Variants in LIN7A observed in about 807,000 individuals in gnomAD.
LIN7A encodes the protein lin-7 cell polarity scaffold A.
LIN7A carries 25 observed loss-of-function variants against 29.8 expected under a neutral mutation model. That is an observed-to-expected ratio of 0.84 (90% CI 0.61 to 1.17). The LOEUF is 1.17. LIN7A is among the 50% of genes most tolerant of loss of function. The probability of loss-of-function intolerance (pLI) is 0.00; values close to 1 mark genes in which losing one functional copy is unlikely to be tolerated. For missense variants in LIN7A, 239 were observed against 287.0 expected (o/e 0.83, Z 1.21); for synonymous variants, 118 against 107.5 (o/e 1.10, Z -0.60).
intron 2 of LIN7A, among the ~76,000 whole-genome samples, chr12:80,878,022 A>G (rs2120555400): frequency 6.6e-6 from 1 of 152,344 alleles, no homozygotes; most frequent in East Asian, 1.9e-4. Flanking sequence ...CTACTGTGTA[A>G]GTACATGTAA....
At chr12:80,848,409 G>A in intron 2 of LIN7A, 87 bp from the exon 3 acceptor site, 1 of 1,036,360 alleles carries the variant, frequency 9.6e-7, no homozygotes. Context: ...TATTTTCACT[G>A]TAGGAAAAAA....
chr12:80,916,644 C>A (rs1056605131), intron 1 of LIN7A, among the ~76,000 whole-genome samples: 2 of 152,094 alleles, frequency 1.3e-5, no homozygotes, highest in African/African-American at 4.8e-5. Context: ...ATATACTGGG[C>A]CCTCAATAAG....
intron 1 of LIN7A, among the ~76,000 whole-genome samples, chr12:80,895,859 A>G (rs1349423600): frequency 6.6e-6 from 1 of 152,204 alleles, no homozygotes; most frequent in African/African-American, 2.4e-5. Flanking sequence ...AGTAGGAAGA[A>G]GGAAAGGACA....
At chr12:80,876,753 A>G (rs2120543088) in intron 2 of LIN7A, among the ~76,000 whole-genome samples, 1 of 152,350 alleles carries the variant, frequency 6.6e-6, no homozygotes, top group East Asian at 1.9e-4. Context: ...ATATGGATCC[A>G]CAATTATACA....
chr12:80,861,901 A>T (rs1873902296), intron 2 of LIN7A, among the ~76,000 whole-genome samples: 2 of 152,196 alleles, frequency 1.3e-5, no homozygotes, highest in Admixed American at 1.3e-4. Flanking sequence ...CTTGCACCAG[A>T]TTGTATGTAA....
Position 80,889,247 on chromosome 12 carries a change from A to C in LIN7A, c.201+4T>G, listed in dbSNP as rs755203748. 1.3e-6 allele frequency: 2 copies of C among 1,536,768 alleles called. No homozygotes were observed. The highest frequency in any genetic ancestry group is 1.1e-5 in the South Asian group (1 of 89,378). ...ATTTAGTTATTAAAATTTTAGTGCC[A>C]TACCTCTCGAATAGCTGTACAAAAC... On this transcript the variant is annotated splice_donor_region_variant and intron_variant, in intron 2 of 5. Coordinates refer to ENST00000552864, the MANE Select transcript of LIN7A (RefSeq NM_004664.4).
At chr12:80,862,599 A>C (rs2120420212) in intron 2 of LIN7A, among the ~76,000 whole-genome samples, 1 of 152,340 alleles carries the variant, frequency 6.6e-6, no homozygotes, top group African/African-American at 2.4e-5. Flanking sequence ...AACGAAGCTT[A>C]TCTAACACGT....
At chr12:80,866,815 C>A (rs747255335) in intron 2 of LIN7A, among the ~76,000 whole-genome samples, 3 of 152,114 alleles carry the variant, frequency 2.0e-5, no homozygotes. Flanking sequence ...GGTTTTTACA[C>A]CTCTGGAATT....
chr12:80,899,855 G>T (rs543860562), intron 1 of LIN7A, among the ~76,000 whole-genome samples: 4 of 139,452 alleles, frequency 2.9e-5, no homozygotes, highest in Non-Finnish European at 4.6e-5. Context: ...TGCAAGCTCC[G>T]CCCCCAGGTT....
intron 2 of LIN7A, among the ~76,000 whole-genome samples, chr12:80,880,749 ACG>A (rs201835268): frequency 7.2e-5 from 7 of 97,782 alleles, no homozygotes; most frequent in Non-Finnish European, 1.6e-4. Flanking sequence ...GGAGGAGGCA[ACG>A]CACACACACA....
chr12:80,866,714 C>A (rs1874154457), intron 2 of LIN7A, among the ~76,000 whole-genome samples: 1 of 152,078 alleles, frequency 6.6e-6, no homozygotes, highest in Non-Finnish European at 1.5e-5. Flanking sequence ...ACCACTGGCT[C>A]AAACACTGAG....
chr12:80,908,640 C>G (rs1200003465), intron 1 of LIN7A, among the ~76,000 whole-genome samples: 1 of 151,866 alleles, frequency 6.6e-6, no homozygotes, highest in East Asian at 1.9e-4. Context: ...TAAAGTTTAC[C>G]TTTTTAAAGC....
At chr12:80,856,856 A>AAACC (rs928458394) in intron 2 of LIN7A, among the ~76,000 whole-genome samples, 1 of 151,204 alleles carries the variant, frequency 6.6e-6, no homozygotes, top group African/African-American at 2.5e-5. Context: ...AAAACAAAAC[A>AAACC]AAAACTCCAC....
At position 80,852,172 on chromosome 12, in the gene LIN7A, T is replaced by A. The variant is rs139210244; in HGVS notation, c.202-3850A>T. The stretch of plus-strand genomic sequence containing the variant: ...TGAAAAATTTCCATTTTATTTTTCT[T>A]TATATTTAAATGAAAATAGAATACT... On this transcript the variant is annotated intron_variant, in intron 2 of 5. Transcript: ENST00000552864. Among the ~76,000 whole-genome samples the A allele has an allele frequency of 4.2e-3, 638 of 152,274 alleles. 4 individuals are homozygous for A. Among genetic ancestry groups the A allele is most frequent in the African/African-American group, 0.015 (605 of 41,580 alleles).
intron 1 of LIN7A, among the ~76,000 whole-genome samples, chr12:80,912,542 T>C (rs369677665): frequency 3.3e-5 from 5 of 151,482 alleles, no homozygotes; most frequent in East Asian, 1.9e-4. Flanking sequence ...TGGTGAAACC[T>C]CGTCTCTACA....
chr12:80,881,099 T>C (rs1875005771), intron 2 of LIN7A, among the ~76,000 whole-genome samples: 1 of 152,154 alleles, frequency 6.6e-6, no homozygotes, highest in South Asian at 2.1e-4. Context: ...AGTTTCATGT[T>C]AGTGCAAATA....
intron 1 of LIN7A, among the ~76,000 whole-genome samples, chr12:80,911,610 C>A (rs1403883497): frequency 6.6e-6 from 1 of 151,964 alleles, no homozygotes; most frequent in East Asian, 1.9e-4. Context: ...TATTCTTGTA[C>A]CTTTTCTAGT....
intron 1 of LIN7A, among the ~76,000 whole-genome samples, chr12:80,912,725 A>G (rs111540709): frequency 6.2e-5 from 9 of 145,540 alleles, no homozygotes; most frequent in African/African-American, 9.9e-5. Flanking sequence ...AAAAAAAAAA[A>G]AAAAGAAAAG....
At chr12:80,813,290 C>T (rs74335402) in intron 4 of LIN7A, among the ~76,000 whole-genome samples, 1 of 152,134 alleles carries the variant, frequency 6.6e-6, no homozygotes, top group East Asian at 1.9e-4. Context: ...GGATTACAGG[C>T]GTAAGCCACC....
Sources: allele counts gnomAD v4.1 joint callset (sites outside exome capture counted in the v4.1 genomes callset), GRCh38; gene constraint gnomAD v4.1.1; transcripts MANE v1.5; gene names NCBI Gene and HGNC (gene_info 2026-07-23, HGNC 2026-07-21).